Variants in WDR1 observed in about 807,000 individuals in gnomAD.
WDR1 encodes the protein WD repeat domain 1, also known as WD repeat-containing protein 1.
In WDR1, 21 loss-of-function variants were observed where a neutral mutation model predicts 71.9. The ratio of observed to expected loss-of-function variants is 0.29; its 90% CI spans 0.21 to 0.42. The LOEUF (loss-of-function observed/expected upper bound fraction) is 0.42, where lower values mean the gene tolerates loss of function less well. Ranked by LOEUF, WDR1 falls within the 10% of genes least tolerant of loss-of-function variation. The probability of loss-of-function intolerance (pLI) is 1.00; values close to 1 mark genes in which losing one functional copy is unlikely to be tolerated. For synonymous variants in WDR1, 424 were observed against 347.4 expected, an observed-to-expected ratio of 1.22 and a Z score of -2.45; for missense variants, 696 against 824.5, an observed-to-expected ratio of 0.84 and a Z score of 1.91.
At position 10,088,797 on chromosome 4, in the gene WDR1, A is replaced by C. The variant is rs565400422; in HGVS notation, c.559-56T>G. ...GGGCCGCAGGCCTGACTCTAGGTTC[A>C]AGAATGCTCTCTATGAAACACAGCT... is the stretch of plus-strand genomic sequence containing the variant. On this transcript the variant is annotated intron_variant, in intron 5 of 14. Coordinates refer to ENST00000499869, the MANE Select transcript of WDR1 (RefSeq NM_017491.5). The C allele has an allele frequency of 9.0e-6, 12 of 1,330,360 alleles. No individual in the cohort carries two copies. In the East Asian group the frequency reaches 2.0e-4, roughly 22 times the overall value. 82.4% of individuals were successfully genotyped at this position (1,330,360 alleles called of 1,614,324 possible). A position where few individuals can be genotyped will look rare whatever the true frequency, so the allele number is the denominator to read the frequency against.
chr4:10,091,118 C>A (rs558366495), intron 5 of WDR1, among the ~76,000 whole-genome samples: 11 of 152,362 alleles, frequency 7.2e-5, no homozygotes, highest in African/African-American at 2.6e-4. Context: ...AGTACCCAGG[C>A]GGGCCCAGGG....
chr4:10,102,947 G>A (rs12648479), intron 3 of WDR1, among the ~76,000 whole-genome samples: 68,027 of 152,090 alleles, frequency 0.45, 15,644 homozygotes, highest in Admixed American at 0.54. Context: ...ATGAATGAAT[G>A]AGTGAGTGAA....
At chr4:10,096,072 C>A (rs562755321) in intron 5 of WDR1, 6 of 152,380 alleles carry the variant, frequency 3.9e-5, no homozygotes, top group African/African-American at 1.4e-4. Context: ...AGTCCCCAAG[C>A]AAGCACACAG....
chr4:10,088,768 T>G, intron 5 of WDR1, 27 bp from the exon 6 acceptor site: 1 of 1,550,278 alleles, frequency 6.5e-7, no homozygotes, highest in Non-Finnish European at 8.8e-7. Context: ...ACCTGCCTGA[T>G]GAGGGGCCGC....
chr4:10,097,056 A>C (rs1712388489), intron 5 of WDR1, among the ~76,000 whole-genome samples: 1 of 152,164 alleles, frequency 6.6e-6, no homozygotes, highest in African/African-American at 2.4e-5. Context: ...TCCTACTTCA[A>C]ATTCATAGTC....
chr4:10,082,896 G>A (rs1765069872), intron 10 of WDR1, 126 bp downstream of exon 10: 1 of 1,236,332 alleles, frequency 8.1e-7, no homozygotes, highest in African/African-American at 1.5e-5. Flanking sequence ...ACAATGCTGG[G>A]GACGGGGTGG....
At chr4:10,114,425 T>C (rs1713581079) in intron 2 of WDR1, among the ~76,000 whole-genome samples, 1 of 152,120 alleles carries the variant, frequency 6.6e-6, no homozygotes, top group African/African-American at 2.4e-5. Flanking sequence ...CTCTTTAGAG[T>C]AACGGACCCA....
intron 1 of WDR1, 180 bp downstream of exon 1, chr4:10,116,471 A>AC (rs1359025832): frequency 3.9e-5 from 26 of 659,268 alleles, no homozygotes; most frequent in African/African-American, 6.1e-5. Flanking sequence ...TTGGGGGCGC[A>AC]CCCCCCGTCG....
chr4:10,083,750 G>T, intron 9 of WDR1: 1 of 453,208 alleles, frequency 2.2e-6, no homozygotes, highest in Non-Finnish European at 4.5e-6. Context: ...GTGGCTCCAA[G>T]GTTCAAGACA....
At chr4:10,103,606 C>A (rs1402591058) in intron 3 of WDR1, among the ~76,000 whole-genome samples, 3 of 152,148 alleles carry the variant, frequency 2.0e-5, no homozygotes, top group East Asian at 1.9e-4. Flanking sequence ...AGAAAAAAAA[C>A]CTCACGTTTT....
At chr4:10,087,962 G>A (rs1177830492) in intron 7 of WDR1, 22 bp from the exon 8 acceptor site, 3 of 1,540,836 alleles carry the variant, frequency 1.9e-6, no homozygotes, top group East Asian at 4.9e-5. Context: ...AAAGCAGTGT[G>A]TCATGTGCCA....
intron 2 of WDR1, among the ~76,000 whole-genome samples, chr4:10,104,454 T>C (rs1712900549): frequency 6.6e-6 from 1 of 152,148 alleles, no homozygotes; most frequent in Non-Finnish European, 1.5e-5. Context: ...GGCTGTGCTG[T>C]GCAGGAGCAG....
At chr4:10,090,562 CTTCAAAGA>C (rs2109662244) in intron 5 of WDR1, among the ~76,000 whole-genome samples, 1 of 152,344 alleles carries the variant, frequency 6.6e-6, no homozygotes, top group Admixed American at 6.5e-5. Flanking sequence ...GCTTCCTGCA[CTTCAAAGA>C]TTAAACCATT....
rs372339584 is a variant in WDR1 at position 10,078,947 on chromosome 4, C to T, written c.1339G>A (p.Glu447Lys). 1.6e-5 allele frequency: 25 copies of T among 1,612,738 alleles called. No individual in the cohort carries two copies. The highest frequency in any genetic ancestry group is 2.0e-5 in the Non-Finnish European group (24 of 1,179,336). Residue 447 changes from glutamate (E) to lysine (K), a missense_variant, in exon 12 of 15, where the codon GAG becomes AAG. Physicochemically the swap from Glu to Lys is moderately conservative, Grantham distance 56. Coordinates refer to ENST00000499869, the MANE Select transcript of WDR1 (RefSeq NM_017491.5). ...GGGTGCACTGCCACAACTTCGGGCT[C>T]GTAGCCGGGGTTGTCGATGCTGAAG... is the stretch of plus-strand genomic sequence containing the variant. ...KCFSIDNPGY[E>K]PEVVAVHPGG... is the part of the protein sequence containing the mutation.
At chr4:10,088,177 C>A (rs922975348) in intron 7 of WDR1, 116 bp downstream of exon 7, 22 of 1,093,336 alleles carry the variant, frequency 2.0e-5, no homozygotes, top group Non-Finnish European at 2.7e-5. Flanking sequence ...AAAACCGCCC[C>A]GACTTATAGC....
intron 12 of WDR1, 124 bp downstream of exon 12, chr4:10,078,766 GC>G (rs1705305577): frequency 2.6e-6 from 2 of 769,468 alleles, no homozygotes; most frequent in Non-Finnish European, 4.1e-6. Flanking sequence ...CGCCCCGACT[GC>G]CCCCATCCTT....
chr4:10,083,058 G>C lies in WDR1; in HGVS notation c.1160C>G (p.Thr387Ser). 6.2e-7 allele frequency: 1 copy of C among 1,613,836 alleles called. No homozygotes were observed. The highest frequency in any genetic ancestry group is 8.5e-7 in the Non-Finnish European group (1 of 1,179,854). The change falls in exon 10 of 15, where the codon ACC becomes AGC. Residue 387 changes from threonine to serine, a missense_variant. Coordinates refer to ENST00000499869, the MANE Select transcript of WDR1 (RefSeq NM_017491.5). The stretch of plus-strand genomic sequence containing the variant: ...CAGCATGAGGCTGGTGTACCGCACG[G>C]TGTCGTCCATGCTGCAGCTGATGAG... ...GQLISCSMDD[T>S]VRYTSLMLRD...
intron 3 of WDR1, among the ~76,000 whole-genome samples, chr4:10,100,314 C>G (rs927104829): frequency 4.6e-5 from 7 of 152,218 alleles, no homozygotes; most frequent in African/African-American, 1.4e-4. Flanking sequence ...AGCAACATGG[C>G]TTGTGTCCTT....
At chr4:10,116,305 G>GC (rs753171423) in intron 1 of WDR1, 71 bp from the exon 2 acceptor site, 102 of 1,599,986 alleles carry the variant, frequency 6.4e-5, no homozygotes, top group Non-Finnish European at 8.4e-5. Flanking sequence ...GGGAGAAGGA[G>GC]CCCCGGACCG....
Sources: allele counts gnomAD v4.1 joint callset (sites outside exome capture counted in the v4.1 genomes callset), GRCh38; gene constraint gnomAD v4.1.1; transcripts MANE v1.5; gene names NCBI Gene and HGNC (gene_info 2026-07-23, HGNC 2026-07-21).